The following CCDC93 variants were observed in gnomAD, a reference collection of about 807,000 sequenced individuals.
CCDC93 encodes coiled-coil domain-containing protein 93.
In CCDC93, 61 loss-of-function variants were observed where a neutral mutation model predicts 108.2. The ratio of observed to expected loss-of-function variants is 0.56; its 90% CI spans 0.46 to 0.70. The LOEUF (loss-of-function observed/expected upper bound fraction) is 0.70, where lower values mean the gene tolerates loss of function less well. Ranked by LOEUF, CCDC93 falls within the 30% of genes least tolerant of loss-of-function variation. The pLI, the probability that CCDC93 is intolerant of heterozygous loss-of-function variation, is 0.00. For synonymous variants in CCDC93, 276 were observed against 260.4 expected (o/e 1.06, Z -0.58); for missense variants, 685 against 764.2 (o/e 0.90, Z 1.22).
At chr2:117,993,381 G>A (rs183707375) in intron 6 of CCDC93, among the ~76,000 whole-genome samples, 137 of 141,326 alleles carry the variant, frequency 9.7e-4, no homozygotes, top group Middle Eastern at 4.9e-3. Flanking sequence ...GGGAGACAGC[G>A]AGACTCCGTC....
intron 17 of CCDC93, chr2:117,944,810 G>A (rs1171988928): frequency 1.9e-5 from 9 of 471,020 alleles, no homozygotes; most frequent in Non-Finnish European, 2.6e-5. Flanking sequence ...GGGAGATTAC[G>A]AGGGTACAAA....
chr2:118,008,923 T>C, intron 1 of CCDC93: 1 of 339,554 alleles, frequency 2.9e-6, no homozygotes, highest in Non-Finnish European at 5.4e-6. Context: ...ATACTACTCA[T>C]CACATGCTGA....
intron 22 of CCDC93, among the ~76,000 whole-genome samples, chr2:117,933,723 CA>C (rs1341641800): frequency 6.7e-6 from 1 of 148,462 alleles, no homozygotes; most frequent in East Asian, 2.0e-4. Context: ...TTTTTTTAAA[CA>C]AACACAATAA....
intron 23 of CCDC93, among the ~76,000 whole-genome samples, chr2:117,925,809 A>C (rs1160154764): frequency 6.6e-6 from 1 of 152,226 alleles, no homozygotes; most frequent in Non-Finnish European, 1.5e-5. Context: ...AATCAACAGA[A>C]TATACATTCT....
Position 117,939,087 on chromosome 2 carries a change from T to C in CCDC93, c.1547A>G (p.Lys516Arg). 6.2e-7 allele frequency: 1 copy of C among 1,608,196 alleles called. No individual in the cohort carries two copies. Reference sequence around the variant, plus strand: ...GGTATTATATAAAGTGAAGAACTGCTTGGTTTCTTTGTGCACTGCTGAAAC... The same window carrying C: ...GGTATTATATAAAGTGAAGAACTGCCTGGTTTCTTTGTGCACTGCTGAAAC... ...RQISAVHKET[K>R]QFFTLYNTLD... Residue 516 changes from lysine (K) to arginine (R), a missense_variant, in exon 20 of 24, where the codon AAG becomes AGG. Coordinates refer to ENST00000376300, the MANE Select transcript of CCDC93 (RefSeq NM_019044.5).
intron 23 of CCDC93, among the ~76,000 whole-genome samples, chr2:117,925,456 G>C (rs1678047796): frequency 6.6e-6 from 1 of 152,028 alleles, no homozygotes; most frequent in Non-Finnish European, 1.5e-5. Flanking sequence ...AACAAAAAAA[G>C]GCAGGGGTTG....
chr2:117,992,236 C>G (rs1318112138), intron 6 of CCDC93, among the ~76,000 whole-genome samples: 1 of 151,876 alleles, frequency 6.6e-6, no homozygotes, highest in Admixed American at 6.6e-5. Flanking sequence ...AATTTTTTTC[C>G]ATTCCCCTTT....
At position 117,926,046 on chromosome 2, in the gene CCDC93, G is replaced by A. The variant is rs149238099; in HGVS notation, c.1842+4991C>T. Among the ~76,000 whole-genome samples, 848 of 152,164 alleles carry A rather than the reference G, an allele frequency of 5.6e-3. 8 individuals carry two copies. The highest frequency in any genetic ancestry group is 0.02 in the African/African-American group (809 of 41,478). On this transcript the variant is annotated intron_variant, in intron 23 of 23. Coordinates refer to ENST00000376300, the MANE Select transcript of CCDC93 (RefSeq NM_019044.5). ...GGGTACATAACGACATGAAGGTAGA[G>A]ATAAAGATGTTCTTTGAAACCAACG...
At chr2:117,932,760 T>A (rs1209118038) in intron 22 of CCDC93, among the ~76,000 whole-genome samples, 1 of 152,200 alleles carries the variant, frequency 6.6e-6, no homozygotes, top group Non-Finnish European at 1.5e-5. Flanking sequence ...CCACTCATGA[T>A]CCTGTCACAG....
chr2:118,008,519 T>A, intron 2 of CCDC93, 26 bp downstream of exon 2: 1 of 1,259,258 alleles, frequency 7.9e-7, no homozygotes, highest in Non-Finnish European at 1.2e-6. Flanking sequence ...AAAGATAGTG[T>A]AATGGTTAGA....
intron 11 of CCDC93, among the ~76,000 whole-genome samples, chr2:117,964,568 C>G (rs1392507236): frequency 2.6e-5 from 4 of 152,046 alleles, no homozygotes; most frequent in African/African-American, 7.2e-5. Context: ...GAGCTGATCT[C>G]TACAACATCA....
chr2:117,991,283 G>A (rs773732028), intron 6 of CCDC93, among the ~76,000 whole-genome samples: 1 of 152,166 alleles, frequency 6.6e-6, no homozygotes, highest in Non-Finnish European at 1.5e-5. Context: ...CAATGTTCTC[G>A]TAAGGAAATG....
intron 11 of CCDC93, among the ~76,000 whole-genome samples, chr2:117,961,530 T>A (rs1451900748): frequency 6.6e-6 from 1 of 152,218 alleles, no homozygotes; most frequent in Non-Finnish European, 1.5e-5. Flanking sequence ...AAATGAGAGT[T>A]CCTAACCTAG....
chr2:117,947,770 T>C (rs1252988609), intron 15 of CCDC93, among the ~76,000 whole-genome samples: 5 of 148,200 alleles, frequency 3.4e-5, no homozygotes, highest in Admixed American at 2.1e-4. Context: ...CTTGGCTCAC[T>C]GCAAGCTCTG....
At chr2:117,998,884 A>C (rs1409113908) in intron 4 of CCDC93, 2 of 152,250 alleles carry the variant, frequency 1.3e-5, no homozygotes, top group East Asian at 3.8e-4. Context: ...TTGCATAAGA[A>C]AGACAGAAAG....
intron 1 of CCDC93, among the ~76,000 whole-genome samples, chr2:118,011,534 A>G (rs1052814768): frequency 6.6e-6 from 1 of 152,238 alleles, no homozygotes; most frequent in Non-Finnish European, 1.5e-5. Context: ...AAGAGAAGCT[A>G]AAGAGTAGTT....
At chr2:117,940,117 A>G (rs972047430) in intron 19 of CCDC93, among the ~76,000 whole-genome samples, 2 of 152,198 alleles carry the variant, frequency 1.3e-5, no homozygotes, top group South Asian at 4.1e-4. Flanking sequence ...GAAAATTACT[A>G]AGACACAGAA....
chr2:118,013,002 C>T (rs1056493002), intron 1 of CCDC93: 1 of 152,202 alleles, frequency 6.6e-6, no homozygotes, highest in African/African-American at 2.4e-5. Flanking sequence ...ATGCCTGCTC[C>T]AGAACCTTAG....
At chr2:117,962,169 ACC>A (rs990031440) in intron 11 of CCDC93, among the ~76,000 whole-genome samples, 1 of 152,214 alleles carries the variant, frequency 6.6e-6, no homozygotes, top group Non-Finnish European at 1.5e-5. Flanking sequence ...ATTGAAAGAA[ACC>A]CAAAAGGTTA....
Sources: allele counts gnomAD v4.1 joint callset (sites outside exome capture counted in the v4.1 genomes callset), GRCh38; gene constraint gnomAD v4.1.1; transcripts MANE v1.5; gene names NCBI Gene and HGNC (gene_info 2026-07-23, HGNC 2026-07-21).